The following ITGBL1 variants were observed in gnomAD, a reference collection of about 807,000 sequenced individuals.
The protein encoded by ITGBL1 is integrin beta-like protein 1.
ITGBL1 carries 51 observed loss-of-function variants against 68.5 expected under a neutral mutation model. The observed-to-expected ratio is 0.74, with a 90% confidence interval of 0.59 to 0.94. ITGBL1 has a LOEUF of 0.94. Among genes scored for constraint, ITGBL1 ranks in the 40% least tolerant of loss-of-function variants. ITGBL1 has a pLI of 0.00. For synonymous variants in ITGBL1, 209 were observed against 227.3 expected (o/e 0.92, Z 0.72); for missense variants, 649 against 647.4 (o/e 1.00, Z -0.03).
chr13:101,656,370 G>A (rs1373388043), intron 7 of ITGBL1, among the ~76,000 whole-genome samples: 1 of 152,152 alleles, frequency 6.6e-6, no homozygotes, highest in Admixed American at 6.5e-5. Flanking sequence ...ACAAAGGACA[G>A]CTTTGCAGGT....
intron 7 of ITGBL1, among the ~76,000 whole-genome samples, chr13:101,641,412 G>T (rs1336102248): frequency 6.6e-6 from 1 of 151,940 alleles, no homozygotes; most frequent in Non-Finnish European, 1.5e-5. Context: ...GTTAAAATGT[G>T]TGCTTTCTAA....
At chr13:101,647,215 T>C (rs937331360) in intron 7 of ITGBL1, among the ~76,000 whole-genome samples, 6 of 152,124 alleles carry the variant, frequency 3.9e-5, no homozygotes, top group Admixed American at 2.0e-4. Flanking sequence ...AGACTTCTGT[T>C]TACCACAATT....
At chr13:101,562,117 A>G (rs960426438) in intron 2 of ITGBL1, among the ~76,000 whole-genome samples, 1 of 152,166 alleles carries the variant, frequency 6.6e-6, no homozygotes, top group South Asian at 2.1e-4. Flanking sequence ...AGAATTACAT[A>G]TAAAGTGGTA....
At chr13:101,611,706 G>C (rs950223577) in intron 7 of ITGBL1, among the ~76,000 whole-genome samples, 1 of 151,964 alleles carries the variant, frequency 6.6e-6, no homozygotes, top group Non-Finnish European at 1.5e-5. Flanking sequence ...AACCCTTCTC[G>C]GTGACCTTGA....
At chr13:101,594,783 T>C (rs1030287346) in intron 6 of ITGBL1, among the ~76,000 whole-genome samples, 4 of 152,086 alleles carry the variant, frequency 2.6e-5, no homozygotes, top group Admixed American at 1.3e-4. Context: ...AAAATAAATT[T>C]ATTTTGGGCC....
chr13:101,667,868 G>A (rs1283965494), intron 7 of ITGBL1, among the ~76,000 whole-genome samples: 2 of 149,346 alleles, frequency 1.3e-5, no homozygotes, highest in East Asian at 2.0e-4. Context: ...AGTTGGCTTA[G>A]AGATAAGATA....
intron 2 of ITGBL1, among the ~76,000 whole-genome samples, chr13:101,543,862 G>A (rs938301770): frequency 3.9e-5 from 6 of 152,170 alleles, no homozygotes; most frequent in Non-Finnish European, 8.8e-5. Context: ...TGAGGCTTGT[G>A]CATTTGTCAC....
At chr13:101,523,393 G>A (rs895539304) in intron 2 of ITGBL1, among the ~76,000 whole-genome samples, 2 of 152,146 alleles carry the variant, frequency 1.3e-5, no homozygotes, top group Non-Finnish European at 2.9e-5. Flanking sequence ...CCTGGAGCGT[G>A]CAGTTCACCA....
At chr13:101,554,161 C>G (rs538318049) in intron 2 of ITGBL1, among the ~76,000 whole-genome samples, 1 of 152,298 alleles carries the variant, frequency 6.6e-6, no homozygotes, top group Admixed American at 6.5e-5. Context: ...ATTCTATCTA[C>G]AACCACCCTA....
intron 7 of ITGBL1, among the ~76,000 whole-genome samples, chr13:101,648,252 TAGAA>T (rs768197060): frequency 6.9e-4 from 105 of 152,112 alleles, no homozygotes; most frequent in African/African-American, 2.5e-3. Context: ...ATACAGATGA[TAGAA>T]AGAGAAAGGT....
chr13:101,608,038 T>C (rs768029749), intron 7 of ITGBL1, among the ~76,000 whole-genome samples: 10 of 152,074 alleles, frequency 6.6e-5, no homozygotes, highest in Non-Finnish European at 1.0e-4. Context: ...TATGTTTTAG[T>C]TCCTTAAACA....
At chr13:101,471,532 A>ATGTGTG (rs150659546) in intron 2 of ITGBL1, among the ~76,000 whole-genome samples, 107 of 110,510 alleles carry the variant, frequency 9.7e-4, no homozygotes, top group South Asian at 5.9e-3. Context: ...GTGTGTATGT[A>ATGTGTG]TGTGTGTGTG....
chr13:101,589,345 T>C (rs1296985549), intron 6 of ITGBL1, among the ~76,000 whole-genome samples: 9 of 152,190 alleles, frequency 5.9e-5, no homozygotes, highest in Admixed American at 2.0e-4. Context: ...CCAGTTCTAC[T>C]CTCCCCAGAC....
chr13:101,533,262 C>T (rs2049513483), intron 2 of ITGBL1, among the ~76,000 whole-genome samples: 1 of 152,176 alleles, frequency 6.6e-6, no homozygotes, highest in Non-Finnish European at 1.5e-5. Flanking sequence ...GAGCCAGACC[C>T]ACCTCTGCTA....
At chr13:101,552,665 A>C (rs145592816) in intron 2 of ITGBL1, among the ~76,000 whole-genome samples, 148 of 152,342 alleles carry the variant, frequency 9.7e-4, no homozygotes, top group African/African-American at 3.2e-3. Flanking sequence ...GTTAGAGTTA[A>C]TAGAAAAGTC....
intron 2 of ITGBL1, among the ~76,000 whole-genome samples, chr13:101,538,598 C>G (rs1430469062): frequency 6.6e-6 from 1 of 151,616 alleles, no homozygotes; most frequent in African/African-American, 2.4e-5. Flanking sequence ...AACAAAACTC[C>G]AGAAAAAAAA....
intron 7 of ITGBL1, among the ~76,000 whole-genome samples, chr13:101,648,726 G>A (rs987057871): frequency 2.0e-5 from 3 of 152,028 alleles, no homozygotes; most frequent in Non-Finnish European, 4.4e-5. Context: ...AACTATCCTA[G>A]CAACAATGTT....
chr13:101,570,673 G>A (rs1462013691), intron 3 of ITGBL1, among the ~76,000 whole-genome samples: 2 of 152,110 alleles, frequency 1.3e-5, no homozygotes, highest in Admixed American at 6.6e-5. Context: ...AGGGTGAACA[G>A]AAAAAGAAAG....
intron 7 of ITGBL1, among the ~76,000 whole-genome samples, chr13:101,654,579 G>T (rs1327347625): frequency 6.6e-6 from 1 of 152,168 alleles, no homozygotes; most frequent in African/African-American, 2.4e-5. Flanking sequence ...CATTAACAGA[G>T]AAACAGAAGG....
Sources: allele counts gnomAD v4.1 joint callset (sites outside exome capture counted in the v4.1 genomes callset), GRCh38; gene constraint gnomAD v4.1.1; transcripts MANE v1.5; gene names NCBI Gene and HGNC (gene_info 2026-07-23, HGNC 2026-07-21).